GNB5: variants seen among roughly 807,000 people sequenced by gnomAD.
GNB5 encodes guanine nucleotide-binding protein subunit beta-5.
A neutral mutation model predicts 55.3 loss-of-function variants in GNB5; 37 were observed. That is an observed-to-expected ratio of 0.67 (90% CI 0.51 to 0.88). GNB5 has a LOEUF of 0.88. GNB5 is among the 40% of genes least tolerant of loss of function. GNB5 has a pLI of 0.00. For synonymous variants in GNB5, 219 were observed against 198.5 expected, an observed-to-expected ratio of 1.10 and a Z score of -0.87; for missense variants, 476 against 515.3, an observed-to-expected ratio of 0.92 and a Z score of 0.74.
chr15:52,175,647 G>A (rs1362388499), intron 3 of GNB5, among the ~76,000 whole-genome samples: 5 of 152,214 alleles, frequency 3.3e-5, no homozygotes, highest in African/African-American at 1.2e-4. Flanking sequence ...GCTGAGGCAG[G>A]AGAATCGCTT....
chr15:52,136,983 G>A (rs868800449), intron 7 of GNB5: 7 of 453,936 alleles, frequency 1.5e-5, no homozygotes, highest in Non-Finnish European at 2.6e-5. Flanking sequence ...AACTTACCAA[G>A]ATTAACAGCT....
chr15:52,157,754 G>A (rs1017584985), intron 3 of GNB5, among the ~76,000 whole-genome samples: 7 of 151,950 alleles, frequency 4.6e-5, no homozygotes, highest in Non-Finnish European at 8.8e-5. Context: ...AATTTGAATA[G>A]ATCCCAACTA....
rs2034925736 is a variant in GNB5 at position 52,191,356 on chromosome 15, T to C, written c.-53A>G. On this transcript the variant is annotated 5_prime_UTR_variant, in exon 1 of 13. Coordinates refer to ENST00000261837, the MANE Select transcript of GNB5 (RefSeq NM_016194.4). The stretch of plus-strand genomic sequence containing the variant: ...TCAGCACTGGGAGCCACAGAGCAGA[T>C]GGTGAGAGGTGAGGACCAGCGCGCA... 1 of 152,338 alleles carries C rather than the reference T, an allele frequency of 6.6e-6. No homozygotes were observed. 9.4% of individuals were successfully genotyped at this position (152,338 alleles called of 1,614,324 possible).
intron 3 of GNB5, among the ~76,000 whole-genome samples, chr15:52,157,037 G>A (rs1356586494): frequency 1.3e-5 from 2 of 150,126 alleles, no homozygotes; most frequent in African/African-American, 2.5e-5. Flanking sequence ...CCGGGTTCAC[G>A]CCATTCTCCT....
At chr15:52,173,780 G>C (rs534489343) in intron 3 of GNB5, among the ~76,000 whole-genome samples, 1 of 152,282 alleles carries the variant, frequency 6.6e-6, no homozygotes, top group Non-Finnish European at 1.5e-5. Context: ...CCCCTCCCTG[G>C]ATCTCAGCTG....
intron 7 of GNB5, chr15:52,137,882 G>A (rs2033761193): frequency 1.6e-6 from 2 of 1,286,846 alleles, no homozygotes; most frequent in African/African-American, 3.0e-5. Context: ...TAAGACCGTG[G>A]AGGAAGTGGC....
intron 3 of GNB5, among the ~76,000 whole-genome samples, chr15:52,156,363 C>T (rs1180480110): frequency 6.6e-6 from 1 of 152,166 alleles, no homozygotes; most frequent in African/African-American, 2.4e-5. Flanking sequence ...TTTTAGTTGC[C>T]TCATTTCCTT....
intron 9 of GNB5, among the ~76,000 whole-genome samples, chr15:52,129,271 G>A (rs1230666158): frequency 2.6e-5 from 4 of 151,904 alleles, no homozygotes; most frequent in Admixed American, 6.6e-5. Context: ...CTCCTTTCTC[G>A]TACCAGTGAC....
intron 7 of GNB5, among the ~76,000 whole-genome samples, chr15:52,140,880 C>T (rs2033836815): frequency 2.0e-5 from 3 of 152,236 alleles, no homozygotes; most frequent in Admixed American, 1.3e-4. Flanking sequence ...GCTCCACTCC[C>T]ACCCTCGCCA....
intron 7 of GNB5, chr15:52,137,942 T>C: frequency 7.8e-7 from 1 of 1,287,176 alleles, no homozygotes; most frequent in Non-Finnish European, 1.0e-6. Flanking sequence ...TGATTACTGA[T>C]GGCTGAGGAA....
Position 52,117,102 on chromosome 15 carries a change from A to ATATATATATTTTTTTTTTT in GNB5, c.*5654_*5655insAAAAAAAAAAATATATATA. 4.0e-4 allele frequency: 35 copies of ATATATATATTTTTTTTTTT among 87,090 alleles called. 2 individuals are homozygous for ATATATATATTTTTTTTTTT. Among genetic ancestry groups the ATATATATATTTTTTTTTTT allele is most frequent in the African/African-American group, 2.0e-3 (33 of 16,438 alleles). 5.4% of individuals were successfully genotyped at this position (87,090 alleles called of 1,614,324 possible). A position where few individuals can be genotyped will look rare whatever the true frequency, so the allele number is the denominator to read the frequency against. ...CCACGCCCAGCTAATATATATATATATTTTTTTTTAGTACAGACAGGGTTT... is the reference window on the plus strand; with the variant it reads ...CCACGCCCAGCTAATATATATATATATATATATATTTTTTTTTTTTTTTTTTTTAGTACAGACAGGGTTT... On this transcript the variant is annotated 3_prime_UTR_variant, in exon 13 of 13. Coordinates refer to ENST00000261837, the MANE Select transcript of GNB5 (RefSeq NM_016194.4).
intron 3 of GNB5, among the ~76,000 whole-genome samples, chr15:52,159,910 A>G (rs556274925): frequency 1.1e-4 from 16 of 151,350 alleles, no homozygotes; most frequent in Non-Finnish European, 2.1e-4. Flanking sequence ...TGAAGGATGC[A>G]TAGGAGTTGG....
At chr15:52,189,820 C>T (rs2034894160) in intron 1 of GNB5, among the ~76,000 whole-genome samples, 1 of 152,084 alleles carries the variant, frequency 6.6e-6, no homozygotes, top group Admixed American at 6.5e-5. Flanking sequence ...ACACAAAAGG[C>T]CACATATTGT....
At chr15:52,158,356 C>T (rs893820984) in intron 3 of GNB5, among the ~76,000 whole-genome samples, 1 of 152,336 alleles carries the variant, frequency 6.6e-6, no homozygotes, top group East Asian at 1.9e-4. Context: ...TGACATTCTC[C>T]AGCATGGCGT....
chr15:52,190,661 G>A (rs558834774), intron 1 of GNB5, among the ~76,000 whole-genome samples: 1 of 151,958 alleles, frequency 6.6e-6, no homozygotes, highest in Admixed American at 6.6e-5. Context: ...GTATAAGTCG[G>A]TATAACCACT....
Position 52,124,453 on chromosome 15 carries a change from C to T in GNB5, c.1176+20G>A. On this transcript the variant is annotated intron_variant, in intron 12 of 12. Transcript: ENST00000261837. ...CTCTCTCCTCTCACACACAGGAAAA[C>T]AGAAAACCATCCCTCTTACTCTGAG... The T allele has an allele frequency of 3.1e-6, 5 of 1,599,506 alleles. No homozygotes were observed. The highest frequency in any genetic ancestry group is 4.3e-6 in the Non-Finnish European group (5 of 1,169,672).
intron 6 of GNB5, among the ~76,000 whole-genome samples, chr15:52,145,644 C>A (rs1260735970): frequency 6.6e-6 from 1 of 151,874 alleles, no homozygotes; most frequent in Non-Finnish European, 1.5e-5. Flanking sequence ...GACTCCATCT[C>A]AAAAAATAAA....
At chr15:52,134,638 A>T (rs1271805539) in intron 8 of GNB5, among the ~76,000 whole-genome samples, 2 of 152,216 alleles carry the variant, frequency 1.3e-5, no homozygotes, top group Non-Finnish European at 2.9e-5. Context: ...CCAGGAAGAA[A>T]ATCAGGGTCC....
At chr15:52,149,492 G>A in intron 5 of GNB5, 2 of 476,636 alleles carry the variant, frequency 4.2e-6, no homozygotes, top group South Asian at 7.0e-5. Flanking sequence ...CCCTCCACGT[G>A]TTCATTCCCA....
Sources: allele counts gnomAD v4.1 joint callset (sites outside exome capture counted in the v4.1 genomes callset), GRCh38; gene constraint gnomAD v4.1.1; transcripts MANE v1.5; gene names NCBI Gene and HGNC (gene_info 2026-07-23, HGNC 2026-07-21).